Variants in NUDT3 observed in about 807,000 individuals in gnomAD.
NUDT3 encodes nudix hydrolase 3, also known as diphosphoinositol polyphosphate phosphohydrolase 1.
In NUDT3, 9 loss-of-function variants were observed where a neutral mutation model predicts 23.6. The observed-to-expected ratio is 0.38, with a 90% CI of 0.23 to 0.66. The LOEUF (loss-of-function observed/expected upper bound fraction) is 0.66. NUDT3 is among the 30% of genes least tolerant of loss of function. The probability of loss-of-function intolerance (pLI) is 0.52; values close to 1 mark genes in which losing one functional copy is unlikely to be tolerated. For missense variants in NUDT3, 172 were observed against 218.5 expected, an observed-to-expected ratio of 0.79 and a Z score of 1.34; for synonymous variants, 86 against 82.6, an observed-to-expected ratio of 1.04 and a Z score of -0.22.
intron 2 of NUDT3, among the ~76,000 whole-genome samples, chr6:34,330,453 C>T (rs1764110745): frequency 6.6e-6 from 1 of 152,146 alleles, no homozygotes; most frequent in South Asian, 2.1e-4. Context: ...GTAGAAGATA[C>T]ACATTTTTTA....
intron 4 of NUDT3, among the ~76,000 whole-genome samples, chr6:34,292,296 C>T (rs1051385651): frequency 1.3e-5 from 2 of 152,174 alleles, no homozygotes; most frequent in Non-Finnish European, 2.9e-5. Flanking sequence ...ATGTGAGGGG[C>T]ATGGCGGCAA....
chr6:34,373,689 AAC>A (rs764437901), intron 1 of NUDT3, among the ~76,000 whole-genome samples: 52 of 152,216 alleles, frequency 3.4e-4, no homozygotes, highest in Non-Finnish European at 6.3e-4. Context: ...TTCTTCCCAC[AAC>A]ACACACGCAC....
chr6:34,291,894 A>T (rs1350598631), intron 4 of NUDT3, among the ~76,000 whole-genome samples: 2 of 152,214 alleles, frequency 1.3e-5, no homozygotes, highest in African/African-American at 4.8e-5. Context: ...TCATTGAGTT[A>T]TACATTTAAG....
At chr6:34,373,928 C>T (rs560890516) in intron 1 of NUDT3, among the ~76,000 whole-genome samples, 23 of 152,030 alleles carry the variant, frequency 1.5e-4, no homozygotes, top group African/African-American at 1.9e-4. Context: ...CCAAGGCGGG[C>T]GGATCATCTG....
At chr6:34,330,923 T>C (rs1764118113) in intron 2 of NUDT3, among the ~76,000 whole-genome samples, 3 of 152,198 alleles carry the variant, frequency 2.0e-5, no homozygotes, top group Admixed American at 2.0e-4. Flanking sequence ...GGCACGATCT[T>C]GGCTCACTGC....
chr6:34,392,273 G>C lies in NUDT3; in HGVS notation c.90C>G (p.Ser30Arg). The change falls in exon 1 of 5, where the codon AGC becomes AGG. Residue 30 changes from serine to arginine, a missense_variant. By Grantham distance (110) the Ser-to-Arg change is moderately radical. Around this residue, in one of 3 missense-constraint regions of NUDT3, gnomAD observed 50 missense variants for 46.2 expected, o/e 1.08. Coordinates refer to ENST00000607016, the MANE Select transcript of NUDT3 (RefSeq NM_006703.4). ...RAACLCFRSE[S>R]EEEVLLVSSS... ...CAGCCTGCCGCCTCACCTCCTCCTC[G>C]CTCTCGCTGCGGAAACACAGGCATG... 3 of 1,598,044 alleles carry C rather than the reference G, an allele frequency of 1.9e-6. No individual in the cohort carries two copies. Among genetic ancestry groups the C allele is most frequent in the Middle Eastern group, 1.7e-4 (1 of 5,962 alleles).
At chr6:34,341,815 G>A (rs746290633) in intron 2 of NUDT3, 47 bp downstream of exon 2, 1 of 1,558,024 alleles carries the variant, frequency 6.4e-7, no homozygotes, top group South Asian at 1.1e-5. Flanking sequence ...GATAGGACAG[G>A]TTCATGATGA....
chr6:34,314,558 C>CA (rs397933941), intron 2 of NUDT3, among the ~76,000 whole-genome samples: 14,331 of 102,222 alleles, frequency 0.14, 796 homozygotes, highest in Non-Finnish European at 0.16. Context: ...GACTCTGTCT[C>CA]AAAAAAAAAA....
chr6:34,344,968 A>G (rs1043218829), intron 1 of NUDT3, among the ~76,000 whole-genome samples: 1 of 152,068 alleles, frequency 6.6e-6, no homozygotes, highest in African/African-American at 2.4e-5. Context: ...TCATTTTAAA[A>G]TGGCTAATGG....
At chr6:34,347,639 C>T (rs1450875830) in intron 1 of NUDT3, among the ~76,000 whole-genome samples, 1 of 152,152 alleles carries the variant, frequency 6.6e-6, no homozygotes, top group Non-Finnish European at 1.5e-5. Flanking sequence ...AGAAATACAG[C>T]AGGAACACCA....
At chr6:34,315,213 T>TA (rs1763840811) in intron 2 of NUDT3, among the ~76,000 whole-genome samples, 1 of 152,222 alleles carries the variant, frequency 6.6e-6, no homozygotes, top group South Asian at 2.1e-4. Flanking sequence ...TTTGAATTCT[T>TA]AAGTGATTCT....
intron 2 of NUDT3, among the ~76,000 whole-genome samples, chr6:34,320,635 AC>A (rs1763926895): frequency 6.6e-6 from 1 of 152,000 alleles, no homozygotes; most frequent in Non-Finnish European, 1.5e-5. Context: ...GGAGTTCGAG[AC>A]CAGCCCGGTC....
At chr6:34,386,690 A>G (rs1169330883) in intron 1 of NUDT3, among the ~76,000 whole-genome samples, 1 of 152,202 alleles carries the variant, frequency 6.6e-6, no homozygotes, top group African/African-American at 2.4e-5. Flanking sequence ...CATATACAAG[A>G]GTAGTCCCAA....
intron 1 of NUDT3, among the ~76,000 whole-genome samples, chr6:34,389,593 G>C (rs1765162193): frequency 6.6e-6 from 1 of 151,948 alleles, no homozygotes; most frequent in Admixed American, 6.6e-5. Context: ...AGGAGGTTGA[G>C]GCTGCAGTGA....
chr6:34,331,604 C>A (rs189657338), intron 2 of NUDT3, among the ~76,000 whole-genome samples: 3 of 152,302 alleles, frequency 2.0e-5, no homozygotes, highest in Admixed American at 2.0e-4. Flanking sequence ...AGAGAACTAA[C>A]CACACTTTTT....
At chr6:34,318,265 A>G (rs982625956) in intron 2 of NUDT3, among the ~76,000 whole-genome samples, 1 of 152,158 alleles carries the variant, frequency 6.6e-6, no homozygotes, top group Non-Finnish European at 1.5e-5. Flanking sequence ...ATTGCTTCAC[A>G]TTTCTGCCCA....
At chr6:34,363,124 G>A (rs747022476) in intron 1 of NUDT3, among the ~76,000 whole-genome samples, 6 of 152,156 alleles carry the variant, frequency 3.9e-5, no homozygotes, top group Non-Finnish European at 8.8e-5. Context: ...GCCAGGACGT[G>A]GTTTTCCCCT....
At chr6:34,354,209 C>T (rs538788871) in intron 1 of NUDT3, among the ~76,000 whole-genome samples, 1 of 151,906 alleles carries the variant, frequency 6.6e-6, no homozygotes, top group Admixed American at 6.6e-5. Flanking sequence ...TGAGCCACTG[C>T]GCCTGGTCCC....
chr6:34,382,096 A>T (rs1251562801), intron 1 of NUDT3, among the ~76,000 whole-genome samples: 18 of 151,064 alleles, frequency 1.2e-4, no homozygotes, highest in African/African-American at 4.4e-4. Context: ...AAAAAAAAAA[A>T]AAATTAAATA....
Sources: allele counts gnomAD v4.1 joint callset (sites outside exome capture counted in the v4.1 genomes callset), GRCh38; gene constraint gnomAD v4.1.1; regional missense constraint gnomAD v4.1.1; transcripts MANE v1.5; gene names NCBI Gene and HGNC (gene_info 2026-07-23, HGNC 2026-07-21).